Variants in ME1 observed in about 807,000 individuals in gnomAD.
ME1 encodes NADP-dependent malic enzyme.
Under a neutral mutation model 66.4 loss-of-function variants are expected in ME1, and 74 were observed. The ratio of observed to expected loss-of-function variants is 1.11; its 90% CI spans 0.92 to 1.35. The LOEUF is 1.35. Ranked by LOEUF, ME1 falls within the 40% of genes most tolerant of loss-of-function variation. The pLI, the probability that ME1 is intolerant of heterozygous loss-of-function variation, is 0.00. For synonymous variants in ME1, 251 were observed against 235.6 expected, an observed-to-expected ratio of 1.07 and a Z score of -0.60; for missense variants, 750 against 694.1, an observed-to-expected ratio of 1.08 and a Z score of -0.90.
chr6:83,211,226 T>C lies in ME1; in HGVS notation c.*698A>G, dbSNP rs1185780438. 6.6e-6 allele frequency: 1 copy of C among 152,428 alleles called. No individual in the cohort carries two copies. The allele number at this position is 152,428 out of a possible 1,614,324, so 9.4% of individuals were successfully genotyped here. ...ACAGTATGGTAGCTGAAGGATGGGATGTTTGATCAAGGGGGAAAAAAGGTG... is the reference window on the plus strand; with the variant it reads ...ACAGTATGGTAGCTGAAGGATGGGACGTTTGATCAAGGGGGAAAAAAGGTG... On this transcript the variant is annotated 3_prime_UTR_variant, in exon 14 of 14. Coordinates refer to ENST00000369705, the MANE Select transcript of ME1 (RefSeq NM_002395.6).
chr6:83,275,830 TGGC>T (rs1435844078), intron 6 of ME1, among the ~76,000 whole-genome samples: 2 of 123,384 alleles, frequency 1.6e-5, no homozygotes, highest in Non-Finnish European at 3.2e-5. Context: ...TGGAGTGCAG[TGGC>T]GCGATCTCGG....
At chr6:83,258,004 G>A (rs1344015707) in intron 6 of ME1, among the ~76,000 whole-genome samples, 1 of 152,062 alleles carries the variant, frequency 6.6e-6, no homozygotes, top group African/African-American at 2.4e-5. Flanking sequence ...TCTATTCCCG[G>A]ATCTACTACT....
chr6:83,281,721 A>G (rs1767291739), intron 6 of ME1, among the ~76,000 whole-genome samples: 1 of 143,968 alleles, frequency 6.9e-6, no homozygotes, highest in Non-Finnish European at 1.5e-5. Context: ...CATGAGAATC[A>G]CCTGAACCTG....
At chr6:83,430,736 GC>G (rs1562012615) in intron 1 of ME1, 140 bp downstream of exon 1, 2 of 655,178 alleles carry the variant, frequency 3.1e-6, no homozygotes, top group African/African-American at 1.9e-5. Context: ...CCACACCAAG[GC>G]CCCCCAGGCC....
intron 1 of ME1, among the ~76,000 whole-genome samples, chr6:83,429,119 C>T (rs992315224): frequency 6.6e-5 from 10 of 151,944 alleles, no homozygotes; most frequent in African/African-American, 2.2e-4. Flanking sequence ...AAAAATTTGC[C>T]GGGCATGGTG....
intron 7 of ME1, among the ~76,000 whole-genome samples, chr6:83,245,999 T>C (rs1484279450): frequency 6.6e-6 from 1 of 152,190 alleles, no homozygotes; most frequent in African/African-American, 2.4e-5. Context: ...AGAAGTATAG[T>C]CAGAATGCTA....
chr6:83,428,639 A>C (rs1770418363), intron 1 of ME1, among the ~76,000 whole-genome samples: 1 of 152,192 alleles, frequency 6.6e-6, no homozygotes, highest in African/African-American at 2.4e-5. Context: ...AGAGGTCTTG[A>C]ATGTATGACA....
At chr6:83,403,485 A>T (rs137877253) in intron 2 of ME1, among the ~76,000 whole-genome samples, 84 of 152,016 alleles carry the variant, frequency 5.5e-4, no homozygotes, top group African/African-American at 2.0e-3. Flanking sequence ...GGCCTCTTTT[A>T]TTTTTTTATT....
chr6:83,270,160 C>T (rs1224257864), intron 6 of ME1, among the ~76,000 whole-genome samples: 1 of 152,028 alleles, frequency 6.6e-6, no homozygotes. Flanking sequence ...AATGATATTA[C>T]CATACTTCAG....
At chr6:83,291,072 C>G (rs111436180) in intron 6 of ME1, among the ~76,000 whole-genome samples, 5,927 of 152,196 alleles carry the variant, frequency 0.039, 391 homozygotes, top group African/African-American at 0.13. Context: ...ACTCTTCATC[C>G]AATTTGCCAG....
chr6:83,289,536 A>C (rs1436726648), intron 6 of ME1, among the ~76,000 whole-genome samples: 1 of 149,980 alleles, frequency 6.7e-6, no homozygotes, highest in Non-Finnish European at 1.5e-5. Flanking sequence ...TTGATTTGCC[A>C]GTATTGTATT....
intron 5 of ME1, among the ~76,000 whole-genome samples, chr6:83,323,503 CAAAAAACA>C: frequency 8.0e-6 from 1 of 124,566 alleles, no homozygotes; most frequent in South Asian, 2.3e-4. Context: ...AACAAACAAA[CAAAAAACA>C]AAAAAAAAAC....
intron 6 of ME1, among the ~76,000 whole-genome samples, chr6:83,261,032 T>C (rs999981648): frequency 6.6e-6 from 1 of 152,160 alleles, no homozygotes; most frequent in African/African-American, 2.4e-5. Flanking sequence ...TTGAGGAATC[T>C]CCATACTGCT....
In ME1 at chr6:83,222,353, G is replaced by T. The variant is rs145472601; in HGVS notation, c.1449+1407C>A. Among the ~76,000 whole-genome samples the T allele has an allele frequency of 2.5e-3, 384 of 152,196 alleles. 4 individuals carry two copies. The highest frequency in any genetic ancestry group is 8.8e-3 in the African/African-American group (366 of 41,508). On this transcript the variant is annotated intron_variant, in intron 12 of 13. Coordinates refer to ENST00000369705, the MANE Select transcript of ME1 (RefSeq NM_002395.6). ...ATCTGTTCTCATAGAATGACACCGG[G>T]TGCTAGCCACCAAGATTATGCTCCT...
At chr6:83,385,207 A>G (rs1001440118) in intron 3 of ME1, among the ~76,000 whole-genome samples, 1 of 151,952 alleles carries the variant, frequency 6.6e-6, no homozygotes, top group African/African-American at 2.4e-5. Context: ...TCGAGATGTG[A>G]TTTGGGTAGA....
At chr6:83,253,380 C>G (rs1790755492) in intron 7 of ME1, among the ~76,000 whole-genome samples, 1 of 152,050 alleles carries the variant, frequency 6.6e-6, no homozygotes, top group Non-Finnish European at 1.5e-5. Context: ...TAGCCATAAT[C>G]ACCAGGGATT....
intron 6 of ME1, among the ~76,000 whole-genome samples, chr6:83,286,665 G>T (rs1199930803): frequency 6.6e-6 from 1 of 152,082 alleles, no homozygotes; most frequent in African/African-American, 2.4e-5. Flanking sequence ...ATACTTGAAA[G>T]AAAATTCTTT....
At chr6:83,427,833 C>T (rs867755033) in intron 1 of ME1, among the ~76,000 whole-genome samples, 6 of 152,032 alleles carry the variant, frequency 3.9e-5, no homozygotes, top group Middle Eastern at 3.4e-3. Context: ...GCCAACATGA[C>T]CAAACCCTGT....
intron 1 of ME1, among the ~76,000 whole-genome samples, chr6:83,415,555 T>G (rs1037937061): frequency 1.3e-5 from 2 of 152,196 alleles, no homozygotes; most frequent in Admixed American, 6.5e-5. Flanking sequence ...TTTTCAGTAC[T>G]CTGTAGTTCG....
Sources: allele counts gnomAD v4.1 joint callset (sites outside exome capture counted in the v4.1 genomes callset), GRCh38; gene constraint gnomAD v4.1.1; transcripts MANE v1.5; gene names NCBI Gene and HGNC (gene_info 2026-07-23, HGNC 2026-07-21).